The following PCDHGA5 variants were observed in gnomAD, a reference collection of about 807,000 sequenced individuals.
PCDHGA5 encodes protocadherin gamma subfamily A, 5, also known as protocadherin gamma-A5.
A neutral mutation model predicts 56.7 loss-of-function variants in PCDHGA5; 36 were observed. The observed-to-expected ratio is 0.64, with a 90% CI of 0.49 to 0.84. The LOEUF (loss-of-function observed/expected upper bound fraction) is 0.84. Ranked by LOEUF, PCDHGA5 falls within the 40% of genes least tolerant of loss-of-function variation. The probability of loss-of-function intolerance (pLI) is 0.00; values close to 1 mark genes in which losing one functional copy is unlikely to be tolerated. For missense variants in PCDHGA5, 1,305 were observed against 1,201.5 expected (o/e 1.09, Z -1.27); for synonymous variants, 563 against 520.2 (o/e 1.08, Z -1.12).
intron 2 of PCDHGA5, among the ~76,000 whole-genome samples, chr5:141,503,091 G>A (rs2099818095): frequency 6.6e-6 from 1 of 151,808 alleles, no homozygotes; most frequent in African/African-American, 2.4e-5. Flanking sequence ...CTGACCTCGT[G>A]GTCTGCCCGC....
intron 1 of PCDHGA5, among the ~76,000 whole-genome samples, chr5:141,465,307 T>C (rs2099100636): frequency 6.6e-6 from 1 of 152,218 alleles, no homozygotes; most frequent in Non-Finnish European, 1.5e-5. Context: ...CCTGGGAATT[T>C]AGCCATGTCA....
rs754833725 is a variant in PCDHGA5 at position 141,364,591 on chromosome 5, G to C, written c.261G>C (p.Ala87=). ...CGCGAAGCGGCAGCTTGGTCACCGC[G>C]GGCAGGATAGACCGGGAGGAGCTCT... ...LNPRSGSLVT[A]GRIDREELCA... Residue 87 remains alanine (A), a synonymous_variant, in exon 1 of 4, where the codon GCG becomes GCC. Transcript: ENST00000518069. 3.7e-6 allele frequency: 6 copies of C among 1,614,076 alleles called. No homozygotes were observed. Among genetic ancestry groups the C allele is most frequent in the Non-Finnish European group, 3.4e-6 (4 of 1,180,008 alleles).
In PCDHGA5 at chr5:141,489,597, A is replaced by G; in HGVS notation, c.2422-5210A>G. 6.2e-7 allele frequency: 1 copy of G among 1,614,100 alleles called. No individual in the cohort carries two copies. The highest frequency in any genetic ancestry group is 1.3e-5 in the African/African-American group (1 of 75,040). ...AACACCCCCTGGAGCTAATCCGTGTAGAGGTAGAGATCCTGGATCTCAATG... is the reference window on the plus strand; with the variant it reads ...AACACCCCCTGGAGCTAATCCGTGTGGAGGTAGAGATCCTGGATCTCAATG... On this transcript the variant is annotated intron_variant, in intron 1 of 3. Transcript: ENST00000518069. The surrounding 1 kb of genome is among the most constrained non-coding windows in gnomAD (Gnocchi z 4.5).
At chr5:141,482,530 C>CAAAAAA (rs3074545) in intron 1 of PCDHGA5, among the ~76,000 whole-genome samples, 68 of 76,370 alleles carry the variant, frequency 8.9e-4, no homozygotes, top group African/African-American at 1.2e-3. Context: ...GACAGACATG[C>CAAAAAA]AAAAAAAAAA....
intron 1 of PCDHGA5, among the ~76,000 whole-genome samples, chr5:141,433,999 A>G (rs1471657184): frequency 6.6e-6 from 1 of 152,070 alleles, no homozygotes; most frequent in Admixed American, 6.6e-5. Context: ...TATATTCTCT[A>G]TATATGTTTG....
At chr5:141,460,331 A>T (rs537463160) in intron 1 of PCDHGA5, among the ~76,000 whole-genome samples, 3 of 152,212 alleles carry the variant, frequency 2.0e-5, no homozygotes, top group African/African-American at 7.2e-5. Flanking sequence ...AAAACTTATG[A>T]TGATTTTCTC....
At chr5:141,478,345 C>T (rs755421316) in intron 1 of PCDHGA5, 3 of 1,613,850 alleles carry the variant, frequency 1.9e-6, no homozygotes, top group East Asian at 4.5e-5. Context: ...CCTCCTTGCA[C>T]GCGGACGCCG....
Position 141,366,278 on chromosome 5 carries a change from G to T in PCDHGA5, c.1948G>T (p.Gly650Cys). Residue 650 changes from glycine to cysteine, a missense_variant, in exon 1 of 4, where the codon GGC becomes TGC. Physicochemically the swap from Gly to Cys is radical, Grantham distance 159 (BLOSUM62 -3). Transcript: ENST00000518069. ...QSLVVAVEDHGQPPLSATFTV... is the reference protein window; with the variant it reads ...QSLVVAVEDHCQPPLSATFTV... Reference sequence around the variant, plus strand: ...CCTCGTGGTGGCCGTCGAAGACCATGGCCAGCCCCCTCTGTCAGCCACCTT... The same window carrying T: ...CCTCGTGGTGGCCGTCGAAGACCATTGCCAGCCCCCTCTGTCAGCCACCTT... The T allele has an allele frequency of 1.2e-6, 2 of 1,613,712 alleles. No homozygotes were observed. Among genetic ancestry groups the T allele is most frequent in the Non-Finnish European group, 1.7e-6 (2 of 1,180,020 alleles).
chr5:141,394,520 A>G, intron 1 of PCDHGA5: 4 of 1,614,190 alleles, frequency 2.5e-6, no homozygotes, highest in African/African-American at 1.3e-5. Context: ...CCCTCCCCAC[A>G]GACGGTTCCA....
chr5:141,390,264 G>C lies in PCDHGA5; in HGVS notation c.2421+23513G>C, dbSNP rs771554792. 18 of 1,614,004 alleles carry C rather than the reference G, an allele frequency of 1.1e-5. No individual in the cohort carries two copies. In the African/African-American group the frequency reaches 2.1e-4, roughly 19 times the overall value. Reference sequence around the variant, plus strand: ...CTTATTTCCACTTTGTAATTCCAGTGAATTGACTTCCCATCAGGTGAGTTT... The same window carrying C: ...CTTATTTCCACTTTGTAATTCCAGTCAATTGACTTCCCATCAGGTGAGTTT... On this transcript the variant is annotated intron_variant, in intron 1 of 3. Coordinates refer to ENST00000518069, the MANE Select transcript of PCDHGA5 (RefSeq NM_018918.3).
At chr5:141,452,528 A>T (rs1592223895) in intron 1 of PCDHGA5, among the ~76,000 whole-genome samples, 1 of 152,206 alleles carries the variant, frequency 6.6e-6, no homozygotes, top group African/African-American at 2.4e-5. Flanking sequence ...CAAAATCGTG[A>T]GTTCATATTG....
rs754294132 is a variant in PCDHGA5, at chr5:141,389,121, A to G, written c.2421+22370A>G. ...AGATGCTGTTCTAGACCGCGAGCAG[A>G]ATCCAGAGTACAATATAACCGTTAC... is the stretch of plus-strand genomic sequence containing the variant. On this transcript the variant is annotated intron_variant, in intron 1 of 3. Coordinates refer to ENST00000518069, the MANE Select transcript of PCDHGA5 (RefSeq NM_018918.3). The G allele has an allele frequency of 1.1e-5, 17 of 1,613,910 alleles. No individual in the cohort carries two copies. In the Admixed American group the frequency reaches 2.8e-4, roughly 27 times the overall value.
intron 1 of PCDHGA5, chr5:141,422,899 G>A: frequency 2.5e-6 from 4 of 1,614,234 alleles, no homozygotes; most frequent in Non-Finnish European, 3.4e-6. Flanking sequence ...GGACCAGAAC[G>A]ACAATGCGCC....
At position 141,487,249 on chromosome 5, in the gene PCDHGA5, C is replaced by T. The variant is rs757148469; in HGVS notation, c.2422-7558C>T. ...AAGGAGAATCTCGTCTAACCCTCTACTTGGCTGTGTCCCTAGTGGCAATTT... is the reference window on the plus strand; with the variant it reads ...AAGGAGAATCTCGTCTAACCCTCTATTTGGCTGTGTCCCTAGTGGCAATTT... On this transcript the variant is annotated intron_variant, in intron 1 of 3. Coordinates refer to ENST00000518069, the MANE Select transcript of PCDHGA5 (RefSeq NM_018918.3). The surrounding 1 kb of genome is among the most constrained non-coding windows in gnomAD (Gnocchi z 5.0). 2.5e-6 allele frequency: 4 copies of T among 1,614,164 alleles called. No homozygotes were observed. In the South Asian group the frequency reaches 4.4e-5, roughly 18 times the overall value.
intron 1 of PCDHGA5, among the ~76,000 whole-genome samples, chr5:141,439,431 G>A (rs2154558488): frequency 6.6e-6 from 1 of 152,298 alleles, no homozygotes; most frequent in Non-Finnish European, 1.5e-5. Flanking sequence ...AAATTCCCAG[G>A]AATATTTTAT....
Position 141,405,636 on chromosome 5 carries a change from G to A in PCDHGA5, c.2421+38885G>A, listed in dbSNP as rs546836247. 7 of 528,588 alleles carry A rather than the reference G, an allele frequency of 1.3e-5. 1 individual carries two copies. The highest frequency in any genetic ancestry group is 8.1e-5 in the South Asian group (3 of 37,242). The allele number at this position is 528,588 out of a possible 1,614,324, so 32.7% of individuals were successfully genotyped here. A position where few individuals can be genotyped will look rare whatever the true frequency, so the allele number is the denominator to read the frequency against. On this transcript the variant is annotated intron_variant, in intron 1 of 3. Coordinates refer to ENST00000518069, the MANE Select transcript of PCDHGA5 (RefSeq NM_018918.3). ...ACTACAGGCACGTGCCACCACGCCC[G>A]GCTAATTTTTTGTGTGTTTTTAGTA...
intron 1 of PCDHGA5, chr5:141,377,067 G>A (rs1202945515): frequency 6.6e-6 from 1 of 152,572 alleles, no homozygotes; most frequent in Non-Finnish European, 1.5e-5. Context: ...CCTTTGCAGA[G>A]AGTCACATAA....
intron 1 of PCDHGA5, chr5:141,375,289 T>C (rs760342816): frequency 6.2e-7 from 1 of 1,613,842 alleles, no homozygotes; most frequent in South Asian, 1.1e-5. Flanking sequence ...GCAATTATTA[T>C]CGATTAGTGA....
At chr5:141,466,898 A>G (rs1029507733) in intron 1 of PCDHGA5, among the ~76,000 whole-genome samples, 1 of 152,170 alleles carries the variant, frequency 6.6e-6, no homozygotes, top group African/African-American at 2.4e-5. Context: ...TTTTCCATGA[A>G]GTTTTTGAAA....
Sources: allele counts gnomAD v4.1 joint callset (sites outside exome capture counted in the v4.1 genomes callset), GRCh38; gene constraint gnomAD v4.1.1; non-coding constraint Gnocchi (gnomAD v3.1); transcripts MANE v1.5; gene names NCBI Gene and HGNC (gene_info 2026-07-23, HGNC 2026-07-21).